The following CADM2 variants were observed in gnomAD, a reference collection of about 807,000 sequenced individuals.
CADM2 encodes the protein immunoglobulin superfamily member 4D.
Under a neutral mutation model 49.8 loss-of-function variants are expected in CADM2, and 12 were observed. That is an observed-to-expected ratio of 0.24 (90% confidence interval 0.15 to 0.39). The LOEUF is 0.39. Among genes scored for constraint, CADM2 ranks in the 10% least tolerant of loss-of-function variants. CADM2 has a pLI of 1.00. For missense variants in CADM2, 378 were observed against 492.3 expected (o/e 0.77, Z 2.20); for synonymous variants, 214 against 175.4 (o/e 1.22, Z -1.74).
chr3:85,122,620 A>G (rs2038904435), intron 1 of CADM2, among the ~76,000 whole-genome samples: 1 of 152,092 alleles, frequency 6.6e-6, no homozygotes, highest in African/African-American at 2.4e-5. Context: ...ATACATCTAT[A>G]TTGACTTTCA....
intron 1 of CADM2, among the ~76,000 whole-genome samples, chr3:85,649,803 A>G (rs2064991883): frequency 1.3e-5 from 2 of 152,108 alleles, no homozygotes; most frequent in Admixed American, 1.3e-4. Flanking sequence ...CAGTCCAGTT[A>G]TAAATTCGTT....
At chr3:85,561,760 G>A (rs2062102564) in intron 1 of CADM2, among the ~76,000 whole-genome samples, 1 of 151,824 alleles carries the variant, frequency 6.6e-6, no homozygotes, top group Non-Finnish European at 1.5e-5. Flanking sequence ...TTTTTTTTAG[G>A]CAAGTGAGGT....
chr3:85,948,220 A>G (rs958360843), intron 7 of CADM2, among the ~76,000 whole-genome samples: 3 of 151,700 alleles, frequency 2.0e-5, no homozygotes, highest in African/African-American at 7.2e-5. Flanking sequence ...AGAAAAATGA[A>G]TAATCACTCA....
At chr3:85,827,826 A>T (rs186732806) in intron 3 of CADM2, among the ~76,000 whole-genome samples, 88 of 152,136 alleles carry the variant, frequency 5.8e-4, no homozygotes, top group African/African-American at 2.0e-3. Context: ...ATTCAGGTCA[A>T]CAAGATATTT....
intron 1 of CADM2, among the ~76,000 whole-genome samples, chr3:85,218,629 C>G (rs967982749): frequency 6.6e-6 from 1 of 152,062 alleles, no homozygotes; most frequent in Non-Finnish European, 1.5e-5. Flanking sequence ...AAACCTGTCT[C>G]TGCTAAAAAC....
At chr3:85,063,704 T>C (rs1261009544) in intron 1 of CADM2, among the ~76,000 whole-genome samples, 1 of 152,046 alleles carries the variant, frequency 6.6e-6, no homozygotes, top group African/African-American at 2.4e-5. Context: ...TGGACTGTTT[T>C]ATTAATATTT....
At chr3:85,541,732 TTTA>T (rs1349240734) in intron 1 of CADM2, among the ~76,000 whole-genome samples, 4,260 of 109,762 alleles carry the variant, frequency 0.039, 408 homozygotes, top group African/African-American at 0.11. Flanking sequence ...ATATATATAT[TTTA>T]TATATATATT....
chr3:85,699,306 C>T lies in CADM2; in HGVS notation c.62-27216C>T, dbSNP rs779951638. On this transcript the variant is annotated intron_variant, in intron 1 of 9. Coordinates refer to ENST00000383699, the MANE Select transcript of CADM2 (RefSeq NM_001167675.2). ...TACCACTCTAGGACCTGGAGGATGG[C>T]GGCCCCCTTCTCACAGCTCCACTAG... Among the ~76,000 whole-genome samples the T allele has an allele frequency of 4.1e-4, 63 of 152,190 alleles. 1 individual carries two copies. The highest frequency in any genetic ancestry group is 1.3e-3 in the African/African-American group (52 of 41,532).
chr3:85,715,461 A>T (rs1029856845), intron 1 of CADM2, among the ~76,000 whole-genome samples: 1 of 152,220 alleles, frequency 6.6e-6, no homozygotes, highest in African/African-American at 2.4e-5. Flanking sequence ...AAATTAAAAA[A>T]TGTGATGAAT....
At chr3:85,175,882 T>G (rs2040769269) in intron 1 of CADM2, among the ~76,000 whole-genome samples, 2 of 147,306 alleles carry the variant, frequency 1.4e-5, no homozygotes, top group Non-Finnish European at 3.0e-5. Context: ...AACTGTTACA[T>G]AAATGACACC....
chr3:85,110,452 G>T (rs568732792), intron 1 of CADM2, among the ~76,000 whole-genome samples: 1 of 151,652 alleles, frequency 6.6e-6, no homozygotes, highest in Non-Finnish European at 1.5e-5. Context: ...TTTCTTTATA[G>T]CATGTATAAT....
chr3:85,432,888 C>T (rs893497218), intron 1 of CADM2, among the ~76,000 whole-genome samples: 4 of 152,038 alleles, frequency 2.6e-5, no homozygotes, highest in African/African-American at 7.2e-5. Flanking sequence ...ATAGTCATCT[C>T]ATATCATTTA....
chr3:85,261,104 A>G (rs1163115997), intron 1 of CADM2, among the ~76,000 whole-genome samples: 1 of 151,862 alleles, frequency 6.6e-6, no homozygotes, highest in Non-Finnish European at 1.5e-5. Flanking sequence ...TTCTCAACAG[A>G]CATGTTTTTA....
At chr3:85,801,885 G>A (rs2072066081) in intron 2 of CADM2, among the ~76,000 whole-genome samples, 162 bp from the exon 3 acceptor site, 1 of 152,116 alleles carries the variant, frequency 6.6e-6, no homozygotes, top group Non-Finnish European at 1.5e-5. Context: ...TGTTCTCTGA[G>A]GATTTTCAAT....
intron 3 of CADM2, among the ~76,000 whole-genome samples, chr3:85,869,241 C>CT (rs763984119): frequency 1.3e-4 from 19 of 151,878 alleles, no homozygotes; most frequent in South Asian, 6.2e-4. Flanking sequence ...ACTTTACTCA[C>CT]TTTTTTTTGG....
At chr3:85,576,521 T>TAC (rs367757545) in intron 1 of CADM2, among the ~76,000 whole-genome samples, 24 of 152,314 alleles carry the variant, frequency 1.6e-4, no homozygotes, top group Non-Finnish European at 2.4e-4. Context: ...TGACAATGTT[T>TAC]ACACACACAT....
chr3:85,715,667 G>T (rs55694208), intron 1 of CADM2, among the ~76,000 whole-genome samples: 1 of 151,756 alleles, frequency 6.6e-6, no homozygotes, highest in African/African-American at 2.4e-5. Context: ...CCCTCCACCC[G>T]CTGACAGACC....
At chr3:85,249,009 A>G (rs1424798332) in intron 1 of CADM2, among the ~76,000 whole-genome samples, 1 of 152,190 alleles carries the variant, frequency 6.6e-6, no homozygotes, top group African/African-American at 2.4e-5. Context: ...TATCATCTGT[A>G]GGATACTTGT....
intron 1 of CADM2, among the ~76,000 whole-genome samples, chr3:85,400,574 G>T (rs2035050923): frequency 6.6e-6 from 1 of 152,024 alleles, no homozygotes; most frequent in Admixed American, 6.6e-5. Context: ...GAATCCATCT[G>T]GTCCTGGACT....
Sources: gnomAD v4.1 joint callset for allele counts (sites outside exome capture counted in the v4.1 genomes callset) on GRCh38, gnomAD v4.1.1 for gene constraint, MANE v1.5 for transcripts, NCBI Gene and HGNC (gene_info 2026-07-23, HGNC 2026-07-21) for gene names.